CAB39L: variants seen among roughly 807,000 people sequenced by gnomAD.
CAB39L encodes calcium binding protein 39 like, also known as calcium-binding protein 39-like.
In CAB39L, 23 loss-of-function variants were observed where a neutral mutation model predicts 39.1. The observed-to-expected ratio is 0.59, with a 90% CI of 0.42 to 0.83. CAB39L has a LOEUF of 0.83. CAB39L is among the 40% of genes least tolerant of loss of function. The pLI is 0.00. For synonymous variants in CAB39L, 126 were observed against 137.2 expected (o/e 0.92, Z 0.57); for missense variants, 366 against 391.9 (o/e 0.93, Z 0.56).
At chr13:49,341,513 T>C (rs1263405766) in intron 8 of CAB39L, among the ~76,000 whole-genome samples, 2 of 152,164 alleles carry the variant, frequency 1.3e-5, no homozygotes, top group Non-Finnish European at 2.9e-5. Context: ...TTTCAGTCTA[T>C]ACATTTTGGG....
At chr13:49,349,936 T>C (rs183534986) in intron 7 of CAB39L, among the ~76,000 whole-genome samples, 119 of 152,302 alleles carry the variant, frequency 7.8e-4, no homozygotes, top group African/African-American at 2.7e-3. Context: ...TTTTGGTATG[T>C]TTGTCTGCAA....
chr13:49,421,022 C>G (rs1412362631), intron 3 of CAB39L, among the ~76,000 whole-genome samples: 1 of 152,052 alleles, frequency 6.6e-6, no homozygotes, highest in Non-Finnish European at 1.5e-5. Flanking sequence ...TCAACTAAAA[C>G]CAAAAGGATT....
intron 9 of CAB39L, among the ~76,000 whole-genome samples, chr13:49,336,468 A>G (rs1173183908): frequency 6.6e-6 from 1 of 152,234 alleles, no homozygotes; most frequent in Non-Finnish European, 1.5e-5. Flanking sequence ...GGGTGAATTA[A>G]TGAAAAACAG....
intron 3 of CAB39L, among the ~76,000 whole-genome samples, chr13:49,412,145 T>C (rs1209004860): frequency 6.6e-6 from 1 of 152,132 alleles, no homozygotes; most frequent in African/African-American, 2.4e-5. Flanking sequence ...GTACTACAGT[T>C]TGTTTAACCA....
At chr13:49,355,060 C>G (rs1955448346) in intron 6 of CAB39L, among the ~76,000 whole-genome samples, 2 of 152,060 alleles carry the variant, frequency 1.3e-5, no homozygotes, top group Non-Finnish European at 2.9e-5. Context: ...TGTTTCTAAT[C>G]TAGAAACATT....
intron 7 of CAB39L, among the ~76,000 whole-genome samples, chr13:49,345,662 T>C (rs991291638): frequency 6.6e-6 from 1 of 152,092 alleles, no homozygotes. Flanking sequence ...ATCCCTCCCC[T>C]AACATCATAG....
Position 49,335,649 on chromosome 13 carries a change from T to G in CAB39L, c.691-3559A>C, listed in dbSNP as rs1401720919. 9.2e-5 allele frequency among the ~76,000 whole-genome samples: 14 copies of G among 152,176 alleles called. 1 individual carries two copies. In the East Asian group the frequency reaches 2.7e-3, roughly 29 times the overall value. The stretch of plus-strand genomic sequence containing the variant: ...ATAAGTTTTTTAGAAACCTAAGTGT[T>G]TTAATGAAATTGACCAGAGCCCAAA... On this transcript the variant is annotated intron_variant, in intron 9 of 10. Transcript: ENST00000409308.
At position 49,382,923 on chromosome 13, in the gene CAB39L, C is replaced by T; in HGVS notation, c.-13G>A. ...GCATTTTTTTCATGTGTAGAAATCTCTTCTTCCAATATGGAATGCTAAAAA... is the reference window on the plus strand; with the variant it reads ...GCATTTTTTTCATGTGTAGAAATCTTTTCTTCCAATATGGAATGCTAAAAA... On this transcript the variant is annotated 5_prime_UTR_variant, in exon 4 of 11. Transcript: ENST00000409308. 6.8e-7 allele frequency: 1 copy of T among 1,477,386 alleles called. No homozygotes were observed. The highest frequency in any genetic ancestry group is 9.4e-7 in the Non-Finnish European group (1 of 1,062,534). 91.5% of individuals were successfully genotyped at this position (1,477,386 alleles called of 1,614,324 possible). A position where few individuals can be genotyped will look rare whatever the true frequency, so the allele number is the denominator to read the frequency against.
chr13:49,411,516 C>G (rs1956990238), intron 3 of CAB39L, among the ~76,000 whole-genome samples: 1 of 151,804 alleles, frequency 6.6e-6, no homozygotes, highest in South Asian at 2.1e-4. Flanking sequence ...TTTTTCCAGG[C>G]ATACGTAGAT....
chr13:49,332,514 G>T (rs1334671234), intron 9 of CAB39L, among the ~76,000 whole-genome samples: 1 of 151,994 alleles, frequency 6.6e-6, no homozygotes, highest in African/African-American at 2.4e-5. Context: ...AAGACAGTTT[G>T]TTAAATGACT....
chr13:49,336,883 A>G (rs540961922), intron 9 of CAB39L, among the ~76,000 whole-genome samples: 25 of 152,358 alleles, frequency 1.6e-4, no homozygotes, highest in Admixed American at 1.2e-3. Context: ...GGGAGAACAC[A>G]GCGCTGAAGT....
chr13:49,407,879 T>C (rs199899959), intron 3 of CAB39L, among the ~76,000 whole-genome samples: 1 of 96,114 alleles, frequency 1.0e-5, no homozygotes, highest in African/African-American at 3.8e-5. Context: ...AAAAAAAAAA[T>C]AGAAGAAACA....
At chr13:49,395,277 C>G (rs994937490) in intron 3 of CAB39L, among the ~76,000 whole-genome samples, 26 of 150,166 alleles carry the variant, frequency 1.7e-4, no homozygotes, top group Non-Finnish European at 1.6e-4. Flanking sequence ...ACTCTATTGC[C>G]TAGGCTGGAG....
intron 6 of CAB39L, among the ~76,000 whole-genome samples, chr13:49,358,364 A>G (rs1955540311): frequency 6.6e-6 from 1 of 152,242 alleles, no homozygotes; most frequent in Non-Finnish European, 1.5e-5. Context: ...AGATAAGGGA[A>G]AGGAAATAGA....
intron 9 of CAB39L, among the ~76,000 whole-genome samples, chr13:49,337,032 T>C (rs1389781238): frequency 1.3e-5 from 2 of 152,114 alleles, no homozygotes; most frequent in East Asian, 1.9e-4. Flanking sequence ...GGCTGAAAAA[T>C]GGCCTCCCCA....
chr13:49,362,841 A>T (rs1955671687), intron 5 of CAB39L, among the ~76,000 whole-genome samples: 1 of 152,184 alleles, frequency 6.6e-6, no homozygotes, highest in Non-Finnish European at 1.5e-5. Context: ...AAAATCCTAA[A>T]AGCAGCAGGT....
intron 2 of CAB39L, 124 bp from the exon 3 acceptor site, chr13:49,433,517 A>G (rs1957359696): frequency 2.7e-6 from 1 of 366,946 alleles, no homozygotes; most frequent in Admixed American, 3.8e-5. Context: ...AAATACTAAT[A>G]CATCAAATTA....
At chr13:49,338,589 C>T (rs888186275) in intron 9 of CAB39L, among the ~76,000 whole-genome samples, 6 of 151,444 alleles carry the variant, frequency 4.0e-5, no homozygotes, top group African/African-American at 1.2e-4. Context: ...CAGCATGGCA[C>T]GTGTATACAT....
At chr13:49,333,498 GTCTCCCAAA>G (rs1374639153) in intron 9 of CAB39L, among the ~76,000 whole-genome samples, 30 of 151,218 alleles carry the variant, frequency 2.0e-4, no homozygotes, top group African/African-American at 6.6e-4. Context: ...CTAGGAAGAT[GTCTCCCAAA>G]TCTACATTTC....
Sources: gnomAD v4.1 joint callset for allele counts (sites outside exome capture counted in the v4.1 genomes callset) on GRCh38, gnomAD v4.1.1 for gene constraint, MANE v1.5 for transcripts, NCBI Gene and HGNC (gene_info 2026-07-23, HGNC 2026-07-21) for gene names.